Variants in MAF observed in about 807,000 individuals in gnomAD.
MAF encodes the protein transcription factor Maf.
In MAF, 10 loss-of-function variants were observed where a neutral mutation model predicts 22.0. That is an observed-to-expected ratio of 0.45 (90% CI 0.28 to 0.77). MAF has a LOEUF of 0.77. MAF is among the 30% of genes least tolerant of loss of function. The pLI, the probability that MAF is intolerant of heterozygous loss-of-function variation, is 0.12. For synonymous variants in MAF, 337 were observed against 255.8 expected (o/e 1.32, Z -3.03); for missense variants, 544 against 548.4 (o/e 0.99, Z 0.08).
chr16:79,389,524 A>G, the MAF span, among the ~76,000 whole-genome samples: 1 of 152,148 alleles, frequency 6.6e-6, no homozygotes, highest in Non-Finnish European at 1.5e-5. Flanking sequence ...TGCCTCCCAA[A>G]GTTTTGGGAT....
the MAF span, among the ~76,000 whole-genome samples, chr16:79,417,596 G>A: frequency 3.9e-5 from 6 of 152,038 alleles, no homozygotes; most frequent in Non-Finnish European, 7.4e-5. Flanking sequence ...GGGCTGGGGC[G>A]AGCAGAGGTT....
the MAF span, among the ~76,000 whole-genome samples, chr16:79,426,929 G>A: frequency 6.6e-6 from 1 of 152,168 alleles, no homozygotes; most frequent in Non-Finnish European, 1.5e-5. Context: ...CAATTCTAAC[G>A]ACATTCTTTG....
At chr16:79,536,470 C>T in the MAF span, among the ~76,000 whole-genome samples, 1 of 152,096 alleles carries the variant, frequency 6.6e-6, no homozygotes, top group Non-Finnish European at 1.5e-5. Flanking sequence ...TGGTGAAACC[C>T]CATCTCTACT....
At chr16:79,490,999 G>C in the MAF span, among the ~76,000 whole-genome samples, 1 of 152,162 alleles carries the variant, frequency 6.6e-6, no homozygotes, top group Admixed American at 6.5e-5. Context: ...GGGAAATCAC[G>C]TTGAGAATCA....
chr16:79,552,560 G>T, the MAF span, among the ~76,000 whole-genome samples: 2 of 151,984 alleles, frequency 1.3e-5, no homozygotes, highest in African/African-American at 2.4e-5. Flanking sequence ...TTATCTTTTC[G>T]TAAGTCTCAT....
chr16:79,447,294 G>A, the MAF span, among the ~76,000 whole-genome samples: 12 of 149,498 alleles, frequency 8.0e-5, 1 homozygote, highest in African/African-American at 2.0e-4. Flanking sequence ...AACATGGTTC[G>A]CTGGATATTT....
the MAF span, among the ~76,000 whole-genome samples, chr16:79,455,096 TA>T: frequency 5.5e-3 from 747 of 136,626 alleles, no homozygotes; most frequent in Middle Eastern, 0.027. Flanking sequence ...AACTCCGTCT[TA>T]AAAAAAAAAA....
At chr16:79,435,986 G>A in the MAF span, among the ~76,000 whole-genome samples, 2 of 152,208 alleles carry the variant, frequency 1.3e-5, no homozygotes, top group East Asian at 3.9e-4. Flanking sequence ...TGTGATTTTA[G>A]GCATGCGGTT....
chr16:79,232,837 C>CT, the MAF span, among the ~76,000 whole-genome samples: 3,462 of 113,806 alleles, frequency 0.03, 199 homozygotes, highest in African/African-American at 0.08. Context: ...ATAAGCCATT[C>CT]TTTTTTTTTT....
the MAF span, chr16:79,211,572 T>G: frequency 1.9e-6 from 3 of 1,613,918 alleles, no homozygotes; most frequent in African/African-American, 4.0e-5. Flanking sequence ...CTCCTTTTCT[T>G]AAAATTTTTT....
chr16:79,419,810 G>C, the MAF span, among the ~76,000 whole-genome samples: 21 of 152,204 alleles, frequency 1.4e-4, no homozygotes, highest in African/African-American at 4.8e-4. Flanking sequence ...CAGGGTGGCA[G>C]TGTCACAGCA....
At chr16:79,293,951 G>C in the MAF span, among the ~76,000 whole-genome samples, 1 of 152,090 alleles carries the variant, frequency 6.6e-6, no homozygotes, top group African/African-American at 2.4e-5. Flanking sequence ...ACGGTTGGTA[G>C]GTTACTGCCT....
chr16:79,547,914 G>GACAGAGAGAGAGAGAGAT, the MAF span, among the ~76,000 whole-genome samples: 283 of 145,302 alleles, frequency 1.9e-3, 3 homozygotes, highest in Non-Finnish European at 2.8e-3. Context: ...GAGAGAGAGA[G>GACAGAGAGAGAGAGAGAT]AGAGATAGAG....
chr16:79,334,186 A>G, the MAF span, among the ~76,000 whole-genome samples: 11 of 152,246 alleles, frequency 7.2e-5, no homozygotes, highest in African/African-American at 2.2e-4. Context: ...TGAGAACAGA[A>G]GACAACCCAA....
the MAF span, among the ~76,000 whole-genome samples, chr16:79,425,928 C>A: frequency 6.6e-6 from 1 of 152,184 alleles, no homozygotes; most frequent in Non-Finnish European, 1.5e-5. Flanking sequence ...TAAGTTGGAC[C>A]AGGGGTGGTG....
the MAF span, among the ~76,000 whole-genome samples, chr16:79,419,024 C>T: frequency 6.6e-6 from 1 of 152,186 alleles, no homozygotes. Context: ...ATATCACAGA[C>T]ATTTATTAAA....
At chr16:79,418,047 A>G in the MAF span, among the ~76,000 whole-genome samples, 1 of 152,144 alleles carries the variant, frequency 6.6e-6, no homozygotes, top group Non-Finnish European at 1.5e-5. Context: ...GAACTAAAAA[A>G]GAAAAAGAAA....
At chr16:79,472,184 G>A in the MAF span, among the ~76,000 whole-genome samples, 2 of 152,102 alleles carry the variant, frequency 1.3e-5, no homozygotes, top group East Asian at 1.9e-4. Context: ...GCAGCTCAAA[G>A]GCTGATAATG....
chr16:79,388,019 G>C, the MAF span, among the ~76,000 whole-genome samples: 6 of 152,280 alleles, frequency 3.9e-5, no homozygotes, highest in African/African-American at 9.6e-5. Flanking sequence ...CCTGTGGTGA[G>C]ATTCCTGTCT....
Sources: allele counts gnomAD v4.1 joint callset (sites outside exome capture counted in the v4.1 genomes callset), GRCh38; gene constraint gnomAD v4.1.1; transcripts MANE v1.5; gene names NCBI Gene and HGNC (gene_info 2026-07-23, HGNC 2026-07-21).